HIBADH: variants seen among roughly 807,000 people sequenced by gnomAD.
HIBADH encodes the protein 3-hydroxyisobutyrate dehydrogenase.
In HIBADH, 25 loss-of-function variants were observed where a neutral mutation model predicts 36.1. The ratio of observed to expected loss-of-function variants is 0.69; its 90% CI spans 0.50 to 0.97. The LOEUF is 0.97. Ranked by LOEUF, HIBADH falls within the 50% of genes least tolerant of loss-of-function variation. The probability of loss-of-function intolerance (pLI) is 0.00; values close to 1 mark genes in which losing one functional copy is unlikely to be tolerated. For missense variants in HIBADH, 421 were observed against 418.0 expected (o/e 1.01, Z -0.06); for synonymous variants, 160 against 149.5 (o/e 1.07, Z -0.51).
chr7:27,640,892 TC>T (rs1263065695), intron 2 of HIBADH, among the ~76,000 whole-genome samples: 1 of 152,158 alleles, frequency 6.6e-6, no homozygotes, highest in East Asian at 1.9e-4. Context: ...TCTATTATAA[TC>T]CTATGGGACC....
intron 3 of HIBADH, among the ~76,000 whole-genome samples, chr7:27,630,504 A>C (rs1785728609): frequency 6.6e-6 from 1 of 152,192 alleles, no homozygotes; most frequent in Admixed American, 6.5e-5. Flanking sequence ...TGATAAGAAA[A>C]TTAAAACTGA....
intron 4 of HIBADH, among the ~76,000 whole-genome samples, chr7:27,571,725 T>C (rs1784631791): frequency 6.6e-6 from 1 of 152,196 alleles, no homozygotes; most frequent in South Asian, 2.1e-4. Flanking sequence ...CTAAGATTCC[T>C]GGATTAAGGA....
intron 4 of HIBADH, among the ~76,000 whole-genome samples, chr7:27,584,087 AAAGT>A (rs1406725731): frequency 1.3e-5 from 2 of 152,046 alleles, no homozygotes; most frequent in African/African-American, 2.4e-5. Context: ...GCAGTTTAAA[AAAGT>A]AAGAGAGAAT....
At chr7:27,572,683 T>C (rs1301766225) in intron 4 of HIBADH, among the ~76,000 whole-genome samples, 1 of 152,218 alleles carries the variant, frequency 6.6e-6, no homozygotes, top group East Asian at 1.9e-4. Flanking sequence ...TTTTGTGCTT[T>C]TGTTTTAAAT....
intron 4 of HIBADH, among the ~76,000 whole-genome samples, chr7:27,558,782 C>T (rs1784427898): frequency 1.3e-5 from 2 of 152,176 alleles, no homozygotes; most frequent in South Asian, 4.1e-4. Context: ...GGGGCCAAAT[C>T]GCATTCAGGA....
At chr7:27,598,556 T>C (rs1381578067) in intron 4 of HIBADH, among the ~76,000 whole-genome samples, 4 of 152,192 alleles carry the variant, frequency 2.6e-5, no homozygotes, top group Non-Finnish European at 5.9e-5. Flanking sequence ...TGATTCCATT[T>C]TCTTCAGGAA....
At chr7:27,643,966 A>G (rs1786008219) in intron 2 of HIBADH, among the ~76,000 whole-genome samples, 1 of 152,200 alleles carries the variant, frequency 6.6e-6, no homozygotes, top group African/African-American at 2.4e-5. Context: ...CGATGATCTC[A>G]TCTTAACTTT....
intron 4 of HIBADH, among the ~76,000 whole-genome samples, chr7:27,622,930 G>A (rs543361232): frequency 2.0e-5 from 3 of 152,216 alleles, no homozygotes; most frequent in East Asian, 1.9e-4. Context: ...GAATCACCCT[G>A]ATCCCAAAAT....
At chr7:27,596,027 GCT>G (rs1562636172) in intron 4 of HIBADH, among the ~76,000 whole-genome samples, 1 of 152,154 alleles carries the variant, frequency 6.6e-6, no homozygotes, top group Non-Finnish European at 1.5e-5. Flanking sequence ...ATGAATAAAT[GCT>G]CTTTTTCCTT....
In HIBADH at chr7:27,662,706, AAGCTGCCGGCTGCCGGCCGC is replaced by A. The variant is rs1350386758; in HGVS notation, c.63_82del (p.Arg22CysfsTer6). On this transcript the variant is annotated frameshift_variant, in exon 1 of 8. Coordinates refer to ENST00000265395, the MANE Select transcript of HIBADH (RefSeq NM_152740.4). LOFTEE classifies it high-confidence loss of function. The stretch of plus-strand genomic sequence containing the variant: ...AGGCGTGAGGTCCTTACCCGCTGCA[AAGCTGCCGGCTGCCGGCCGC>A]AGCCGCCGGCTCCAGTACCGGAGAC... The A allele has an allele frequency of 1.5e-6, 2 of 1,366,378 alleles. No homozygotes were observed. The highest frequency in any genetic ancestry group is 3.4e-5 in the South Asian group (2 of 58,820). The allele number at this position is 1,366,378 out of a possible 1,614,324, so 84.6% of individuals were successfully genotyped here. A position where few individuals can be genotyped will look rare whatever the true frequency, so the allele number is the denominator to read the frequency against.
At chr7:27,580,227 G>A (rs1784769091) in intron 4 of HIBADH, among the ~76,000 whole-genome samples, 1 of 152,196 alleles carries the variant, frequency 6.6e-6, no homozygotes, top group African/African-American at 2.4e-5. Context: ...TCACTTCAGT[G>A]AGAAAAAGTG....
At chr7:27,605,281 C>T (rs1350390048) in intron 4 of HIBADH, among the ~76,000 whole-genome samples, 1 of 151,858 alleles carries the variant, frequency 6.6e-6, no homozygotes, top group East Asian at 1.9e-4. Flanking sequence ...TATAAAGACT[C>T]CCTGAAAAAC....
intron 4 of HIBADH, among the ~76,000 whole-genome samples, chr7:27,574,957 G>A (rs1287655240): frequency 3.9e-5 from 6 of 152,124 alleles, no homozygotes; most frequent in Non-Finnish European, 7.4e-5. Flanking sequence ...TAATCGAGAA[G>A]GGCAAGCTGA....
At chr7:27,602,832 T>C (rs1785155155) in intron 4 of HIBADH, among the ~76,000 whole-genome samples, 1 of 151,746 alleles carries the variant, frequency 6.6e-6, no homozygotes, top group Non-Finnish European at 1.5e-5. Context: ...TTTCCTACTA[T>C]GTTTCGCATG....
chr7:27,622,707 G>A (rs139550174), intron 4 of HIBADH, among the ~76,000 whole-genome samples: 2 of 151,974 alleles, frequency 1.3e-5, no homozygotes, highest in African/African-American at 4.8e-5. Context: ...AGAAACATAC[G>A]ACCTACCAAG....
chr7:27,580,885 G>C (rs940272354), intron 4 of HIBADH, among the ~76,000 whole-genome samples: 2 of 152,184 alleles, frequency 1.3e-5, no homozygotes, highest in African/African-American at 4.8e-5. Context: ...GCTGACTTCA[G>C]AGACCACTGC....
At chr7:27,604,627 G>A (rs1344801679) in intron 4 of HIBADH, among the ~76,000 whole-genome samples, 2 of 152,058 alleles carry the variant, frequency 1.3e-5, no homozygotes, top group Non-Finnish European at 2.9e-5. Context: ...GAAGCAGACT[G>A]TTGCATCAAG....
At chr7:27,650,538 A>C (rs796142154) in intron 1 of HIBADH, among the ~76,000 whole-genome samples, 5 of 150,014 alleles carry the variant, frequency 3.3e-5, no homozygotes, top group Admixed American at 2.7e-4. Context: ...TGTCACCCAG[A>C]TTGGAGGGCA....
At chr7:27,644,830 C>A (rs892403958) in intron 2 of HIBADH, among the ~76,000 whole-genome samples, 9 of 151,758 alleles carry the variant, frequency 5.9e-5, no homozygotes, top group African/African-American at 2.2e-4. Context: ...AACTTTCCCT[C>A]TTCCCCAGCG....
Sources: allele counts gnomAD v4.1 joint callset (sites outside exome capture counted in the v4.1 genomes callset), GRCh38; gene constraint gnomAD v4.1.1; transcripts MANE v1.5; gene names NCBI Gene and HGNC (gene_info 2026-07-23, HGNC 2026-07-21).